TRIO: variants seen among roughly 807,000 people sequenced by gnomAD.
TRIO encodes trio Rho guanine nucleotide exchange factor.
In TRIO, 58 loss-of-function variants were observed where a neutral mutation model predicts 351.9. The ratio of observed to expected loss-of-function variants is 0.16; its 90% CI spans 0.13 to 0.21. TRIO has a LOEUF of 0.21. Ranked by LOEUF, TRIO falls within the 10% of genes least tolerant of loss-of-function variation. The pLI is 1.00. For missense variants in TRIO, 3,201 were observed against 4,027.8 expected (o/e 0.79, Z 5.56); for synonymous variants, 1,758 against 1,595.7 (o/e 1.10, Z -2.42).
At chr5:14,451,133 A>G (rs981443463) in intron 34 of TRIO, among the ~76,000 whole-genome samples, 2 of 152,244 alleles carry the variant, frequency 1.3e-5, no homozygotes, top group Non-Finnish European at 2.9e-5. Flanking sequence ...AGATTTCCCA[A>G]GTAATACCCC....
At chr5:14,443,137 C>G (rs1359645364) in intron 34 of TRIO, among the ~76,000 whole-genome samples, 1 of 151,918 alleles carries the variant, frequency 6.6e-6, no homozygotes, top group Non-Finnish European at 1.5e-5. Flanking sequence ...TTGTTTCTCT[C>G]TATATATTTT....
chr5:14,403,662 A>AGGT (rs1284310472), intron 31 of TRIO, among the ~76,000 whole-genome samples: 1 of 70,456 alleles, frequency 1.4e-5, no homozygotes. Flanking sequence ...GTGAGGGTGC[A>AGGT]GGTGGTGGTG....
At chr5:14,378,881 A>G (rs1362933578) in intron 20 of TRIO, among the ~76,000 whole-genome samples, 1 of 152,166 alleles carries the variant, frequency 6.6e-6, no homozygotes, top group Non-Finnish European at 1.5e-5. Flanking sequence ...ATAATTTAGT[A>G]TAGTCAAAAA....
intron 1 of TRIO, among the ~76,000 whole-genome samples, chr5:14,219,974 A>ATTTT (rs34731809): frequency 7.7e-6 from 1 of 129,368 alleles, no homozygotes; most frequent in African/African-American, 3.0e-5. Context: ...ATGTACAGGC[A>ATTTT]TTTTTTTTTT....
chr5:14,492,867 A>G (rs1579821873), intron 49 of TRIO, 53 bp downstream of exon 49: 1 of 1,596,206 alleles, frequency 6.3e-7, no homozygotes, highest in East Asian at 2.2e-5. Context: ...GAGGGGGCAC[A>G]GCACCCGTGA....
At chr5:14,415,367 A>G (rs1023463022) in intron 33 of TRIO, among the ~76,000 whole-genome samples, 1 of 152,146 alleles carries the variant, frequency 6.6e-6, no homozygotes, top group African/African-American at 2.4e-5. Context: ...AACTCATCGC[A>G]GAGCTTGGTA....
chr5:14,509,444 G>A lies in TRIO; in HGVS notation c.*1022G>A. ...TAGCCCTGTGCCATCGGTTCAAAGAGACTTTTCGTGAAATTTGTTGGTTTT... is the reference window on the plus strand; with the variant it reads ...TAGCCCTGTGCCATCGGTTCAAAGAAACTTTTCGTGAAATTTGTTGGTTTT... On this transcript the variant is annotated 3_prime_UTR_variant, in exon 57 of 57. Coordinates refer to ENST00000344204, the MANE Select transcript of TRIO (RefSeq NM_007118.4). 1 of 467,606 alleles carries A rather than the reference G, an allele frequency of 2.1e-6. No individual in the cohort carries two copies. Among genetic ancestry groups the A allele is most frequent in the South Asian group, 1.5e-5 (1 of 65,244 alleles). 29.0% of individuals were successfully genotyped at this position (467,606 alleles called of 1,614,324 possible).
intron 21 of TRIO, among the ~76,000 whole-genome samples, chr5:14,383,058 G>C (rs30788): frequency 0.28 from 42,266 of 151,996 alleles, 6,055 homozygotes; most frequent in Middle Eastern, 0.37. Flanking sequence ...TCAAGGGATC[G>C]TCTTCAAACT....
rs1399763519 is a variant in TRIO, at chr5:14,492,447, G to A, written c.7633-120G>A. Reference sequence around the variant, plus strand: ...AAATGTTGAAAATTTCTCGGTGCTTGCCTGGTGAGCCCTGCACGGGGTCAT... The same window carrying A: ...AAATGTTGAAAATTTCTCGGTGCTTACCTGGTGAGCCCTGCACGGGGTCAT... On this transcript the variant is annotated intron_variant, in intron 48 of 56. Transcript: ENST00000344204. The A allele has an allele frequency of 2.9e-6, 4 of 1,380,728 alleles. No individual in the cohort carries two copies. The East Asian group carries it at 9.3e-5, about 32-fold the overall frequency. 85.5% of individuals were successfully genotyped at this position (1,380,728 alleles called of 1,614,324 possible).
At chr5:14,494,304 G>A (rs1031250620) in intron 49 of TRIO, among the ~76,000 whole-genome samples, 2 of 152,216 alleles carry the variant, frequency 1.3e-5, no homozygotes, top group Non-Finnish European at 2.9e-5. Flanking sequence ...TGCTGTGGTA[G>A]AGGCATCTAC....
At chr5:14,357,389 G>C (rs369025086) in intron 11 of TRIO, among the ~76,000 whole-genome samples, 1 of 152,192 alleles carries the variant, frequency 6.6e-6, no homozygotes, top group Non-Finnish European at 1.5e-5. Context: ...TTTCAGTTCC[G>C]TGAATAGTAC....
intron 33 of TRIO, among the ~76,000 whole-genome samples, chr5:14,417,628 C>G (rs916300281): frequency 6.6e-6 from 1 of 152,174 alleles, no homozygotes; most frequent in African/African-American, 2.4e-5. Flanking sequence ...CCACAGCCAG[C>G]CCCATAGCCC....
At chr5:14,156,318 G>A (rs1788100205) in intron 1 of TRIO, among the ~76,000 whole-genome samples, 1 of 152,062 alleles carries the variant, frequency 6.6e-6, no homozygotes, top group South Asian at 2.1e-4. Context: ...AGTAGTGAAT[G>A]GTATTTAGAA....
At chr5:14,230,621 A>C (rs558826729) in intron 1 of TRIO, among the ~76,000 whole-genome samples, 1 of 152,100 alleles carries the variant, frequency 6.6e-6, no homozygotes, top group South Asian at 2.1e-4. Flanking sequence ...CTTGTTTTCC[A>C]TGAATGTCTT....
intron 54 of TRIO, 34 bp from the exon 55 acceptor site, chr5:14,504,359 C>T (rs760606623): frequency 1.2e-6 from 2 of 1,609,862 alleles, no homozygotes; most frequent in Non-Finnish European, 1.7e-6. Flanking sequence ...ACCTCAGCAG[C>T]CTCTGCAAAT....
chr5:14,301,094 C>T (rs1737836366), intron 7 of TRIO, among the ~76,000 whole-genome samples: 2 of 152,020 alleles, frequency 1.3e-5, no homozygotes, highest in Non-Finnish European at 2.9e-5. Flanking sequence ...TTGGAGGCCC[C>T]CTCTCAGCAG....
In TRIO at chr5:14,492,716, C is replaced by T. The variant is rs762432411; in HGVS notation, c.7782C>T (p.Ala2594=). 37 of 1,614,142 alleles carry T rather than the reference C, an allele frequency of 2.3e-5. No homozygotes were observed. Among genetic ancestry groups the T allele is most frequent in the Non-Finnish European group, 2.7e-5 (32 of 1,180,000 alleles). The change falls in exon 49 of 57, where the codon GCC becomes GCT. Residue 2594 remains alanine (A), a synonymous_variant. Coordinates refer to ENST00000344204, the MANE Select transcript of TRIO (RefSeq NM_007118.4). ...AGAACATGTTTCTGGTGTTCCGAGC[C>T]GCCACTGACCAGTGCCCCGCAGCTG... The part of the protein sequence containing the change: ...NQQNMFLVFR[A]ATDQCPAAEG...
intron 11 of TRIO, among the ~76,000 whole-genome samples, chr5:14,346,522 G>A (rs759734226): frequency 9.9e-5 from 15 of 152,218 alleles, no homozygotes; most frequent in South Asian, 6.2e-4. Flanking sequence ...AGCTGAAAAC[G>A]CACTTGTGCT....
In TRIO at chr5:14,359,341, C is replaced by G. The variant is rs1561388320; in HGVS notation, c.2217-16C>G. The stretch of plus-strand genomic sequence containing the variant: ...ACTTTCTCATCCAATTCCTGTTCCT[C>G]TGTGTGCTCTCGCAGGGACTCTGCC... On this transcript the variant is annotated splice_polypyrimidine_tract_variant and intron_variant, in intron 12 of 56. Coordinates refer to ENST00000344204, the MANE Select transcript of TRIO (RefSeq NM_007118.4). The G allele has an allele frequency of 6.2e-7, 1 of 1,603,984 alleles. No homozygotes were observed. Among genetic ancestry groups the G allele is most frequent in the Non-Finnish European group, 8.5e-7 (1 of 1,171,704 alleles).
Sources: allele counts gnomAD v4.1 joint callset (sites outside exome capture counted in the v4.1 genomes callset), GRCh38; gene constraint gnomAD v4.1.1; transcripts MANE v1.5; gene names NCBI Gene and HGNC (gene_info 2026-07-23, HGNC 2026-07-21).